The following CACNA1C variants were observed in gnomAD, a reference collection of about 807,000 sequenced individuals.
The protein encoded by CACNA1C is calcium voltage-gated channel subunit alpha1 C.
Under a neutral mutation model 229.0 loss-of-function variants are expected in CACNA1C, and 30 were observed. The observed-to-expected ratio is 0.13, with a 90% CI of 0.10 to 0.18. The LOEUF (loss-of-function observed/expected upper bound fraction) is 0.18, where lower values mean the gene tolerates loss of function less well. CACNA1C is among the 10% of genes least tolerant of loss of function. The pLI, the probability that CACNA1C is intolerant of heterozygous loss-of-function variation, is 1.00. For missense variants in CACNA1C, 1,658 were observed against 2,845.0 expected (o/e 0.58, Z 9.49); for synonymous variants, 1,114 against 1,132.5 (o/e 0.98, Z 0.33).
chr12:1,996,449 C>T (rs1266021935), intron 1 of CACNA1C, among the ~76,000 whole-genome samples: 1 of 151,850 alleles, frequency 6.6e-6, no homozygotes, highest in African/African-American at 2.4e-5. Flanking sequence ...AGACTGCCTT[C>T]CCTCTCCTCT....
At chr12:2,641,641 C>T (rs61907964) in intron 30 of CACNA1C, 1 of 689,022 alleles carries the variant, frequency 1.5e-6, no homozygotes, top group Non-Finnish European at 2.7e-6. Flanking sequence ...TGAAGTGATT[C>T]CAGCACAGTC....
intron 1 of CACNA1C, among the ~76,000 whole-genome samples, chr12:2,105,627 T>C (rs7307160): frequency 0.031 from 2,694 of 87,604 alleles, 71 homozygotes; most frequent in African/African-American, 0.1. Flanking sequence ...AGCCACTGGG[T>C]GCCCACCCCG....
chr12:2,535,704 T>TAAAAAAAAAAAAAAAA lies in CACNA1C; in HGVS notation c.1391-14225_1391-14210dup, dbSNP rs758857733. Among the ~76,000 whole-genome samples, 16 of 36,560 alleles carry TAAAAAAAAAAAAAAAA rather than the reference T, an allele frequency of 4.4e-4. 1 individual carries two copies. Among genetic ancestry groups the TAAAAAAAAAAAAAAAA allele is most frequent in the African/African-American group, 1.3e-3 (15 of 11,348 alleles). 24.0% of individuals were successfully genotyped at this position (36,560 alleles called of 152,430 possible). On this transcript the variant is annotated intron_variant, in intron 9 of 46. Transcript: ENST00000399655. Reference sequence around the variant, plus strand: ...CTGGGTGACAGAGCAAGACCCTGTCTAAAAAAAAAAAAAAAAAAAAAAAAA... The same window carrying TAAAAAAAAAAAAAAAA: ...CTGGGTGACAGAGCAAGACCCTGTCTAAAAAAAAAAAAAAAAAAAAAAAAAAAAAAAAAAAAAAAAA...
intron 29 of CACNA1C, among the ~76,000 whole-genome samples, chr12:2,617,435 G>C (rs1602260892): frequency 6.6e-6 from 1 of 152,322 alleles, no homozygotes; most frequent in Non-Finnish European, 1.5e-5. Context: ...TGGAGTTCGT[G>C]TGCCAAAACC....
At chr12:2,369,980 C>T (rs944966373) in intron 3 of CACNA1C, among the ~76,000 whole-genome samples, 4 of 152,180 alleles carry the variant, frequency 2.6e-5, no homozygotes, top group South Asian at 2.1e-4. Flanking sequence ...GTGGTAGACA[C>T]GGGGTCAATA....
chr12:2,694,908 G>T lies in CACNA1C; in HGVS notation c.*3709G>T, dbSNP rs1263425933. ...ACGAATGTAGGTCAGGGATAGAGTG[G>T]AACCCTGGTCATCGGGGTTTTTAGC... On this transcript the variant is annotated 3_prime_UTR_variant, in exon 47 of 47. Coordinates refer to ENST00000399655, the MANE Select transcript of CACNA1C (RefSeq NM_000719.7). The T allele has an allele frequency of 1.3e-5, 2 of 152,232 alleles. No individual in the cohort carries two copies. Among genetic ancestry groups the T allele is most frequent in the Non-Finnish European group, 2.9e-5 (2 of 68,046 alleles). 9.4% of individuals were successfully genotyped at this position (152,232 alleles called of 1,614,324 possible). A position where few individuals can be genotyped will look rare whatever the true frequency, so the allele number is the denominator to read the frequency against.
At position 2,053,742 on chromosome 12, in the gene CACNA1C, C is replaced by G; in HGVS notation, c.49+131C>G. On this transcript the variant is annotated intron_variant, in intron 1 of 46. Coordinates refer to ENST00000399655, the MANE Select transcript of CACNA1C (RefSeq NM_000719.7). This position sits in a 1 kb window ranked among gnomAD's most constrained non-coding sequence, Gnocchi z 5.8. ...CCGGGGCCGCGTCCGCGAGGGGCGC[C>G]TCCGCCTCGTCGGAGCGCCCGGGAG... is the stretch of plus-strand genomic sequence containing the variant. 1 of 949,660 alleles carries G rather than the reference C, an allele frequency of 1.1e-6. No individual in the cohort carries two copies. Among genetic ancestry groups the G allele is most frequent in the Non-Finnish European group, 1.3e-6 (1 of 741,976 alleles). 58.8% of individuals were successfully genotyped at this position (949,660 alleles called of 1,614,324 possible).
At chr12:2,409,449 G>A (rs1183585354) in intron 3 of CACNA1C, among the ~76,000 whole-genome samples, 1 of 152,218 alleles carries the variant, frequency 6.6e-6, no homozygotes, top group Non-Finnish European at 1.5e-5. Context: ...GTTGAGAATG[G>A]AGGTATCACC....
chr12:2,475,507 G>T (rs1431396524), intron 5 of CACNA1C, among the ~76,000 whole-genome samples: 1 of 152,112 alleles, frequency 6.6e-6, no homozygotes, highest in Non-Finnish European at 1.5e-5. Context: ...AGACAGGACT[G>T]GTAATTTTCC....
Position 2,632,144 on chromosome 12 carries a change from G to GA in CACNA1C, c.3829-2147dup, listed in dbSNP as rs1269011059. Reference sequence around the variant, plus strand: ...AGGGCAGGCAAATACTGGTCCCACTGAAAAAATGTGGCCAGCCCTGTCTTG... The same window carrying GA: ...AGGGCAGGCAAATACTGGTCCCACTGAAAAAAATGTGGCCAGCCCTGTCTTG... On this transcript the variant is annotated intron_variant, in intron 29 of 46. Transcript: ENST00000399655. This position sits in a 1 kb window ranked among gnomAD's most constrained non-coding sequence, Gnocchi z 4.1. Among the ~76,000 whole-genome samples, 4 of 152,108 alleles carry GA rather than the reference G, an allele frequency of 2.6e-5. No homozygotes were observed. Among genetic ancestry groups the GA allele is most frequent in the Non-Finnish European group, 2.9e-5 (2 of 68,018 alleles).
At chr12:2,496,954 A>G (rs765851243) in intron 7 of CACNA1C, among the ~76,000 whole-genome samples, 13 of 152,224 alleles carry the variant, frequency 8.5e-5, no homozygotes, top group Non-Finnish European at 2.9e-5. Context: ...GTGTGATCAG[A>G]TAAAAAGCGC....
At position 2,633,148 on chromosome 12, in the gene CACNA1C, C is replaced by T. The variant is rs531919832; in HGVS notation, c.3829-1149C>T. On this transcript the variant is annotated intron_variant, in intron 29 of 46. Transcript: ENST00000399655. This position sits in a 1 kb window ranked among gnomAD's most constrained non-coding sequence, Gnocchi z 5.8. ...TTTTCAAAGCCTTTTTCATTCCCAG[C>T]TTCACCCATAGGACCGAGCCCGCTA... 6.6e-6 allele frequency among the ~76,000 whole-genome samples: 1 copy of T among 152,328 alleles called. No individual in the cohort carries two copies. Among genetic ancestry groups the T allele is most frequent in the East Asian group, 1.9e-4 (1 of 5,180 alleles).
intron 3 of CACNA1C, among the ~76,000 whole-genome samples, chr12:2,298,935 G>A (rs2094330625): frequency 6.6e-6 from 1 of 152,190 alleles, no homozygotes; most frequent in African/African-American, 2.4e-5. Flanking sequence ...CCCACCTCCG[G>A]GGACTTCATA....
At position 2,058,366 on chromosome 12, in the gene CACNA1C, A is replaced by G. The variant is rs190523091; in HGVS notation, c.49+4755A>G. ...ATTTAGCAGACAATTTTATTTTCCA[A>G]TATGGACTACAGAAAGCTGATAGAC... On this transcript the variant is annotated intron_variant, in intron 1 of 46. Transcript: ENST00000399655. Among the ~76,000 whole-genome samples, 203 of 152,322 alleles carry G rather than the reference A, an allele frequency of 1.3e-3. 1 individual carries two copies. The highest frequency in any genetic ancestry group is 4.4e-3 in the African/African-American group (182 of 41,558).
chr12:1,978,275 C>T (rs1394358383), intron 1 of CACNA1C, among the ~76,000 whole-genome samples: 1 of 152,120 alleles, frequency 6.6e-6, no homozygotes, highest in East Asian at 1.9e-4. Context: ...TGACATCAAG[C>T]TTTTGGTATT....
intron 3 of CACNA1C, among the ~76,000 whole-genome samples, chr12:2,127,511 T>C (rs1259609718): frequency 6.6e-6 from 1 of 152,200 alleles, no homozygotes; most frequent in Non-Finnish European, 1.5e-5. Flanking sequence ...GCTAGGGTTA[T>C]AAAATACACT....
In CACNA1C at chr12:2,319,264, C is replaced by T. The variant is rs1162692780; in HGVS notation, c.478-129712C>T. Among the ~76,000 whole-genome samples, 1 of 151,902 alleles carries T rather than the reference C, an allele frequency of 6.6e-6. No homozygotes were observed. The highest frequency in any genetic ancestry group is 6.6e-5 in the Admixed American group (1 of 15,246). ...TGATGTGTAGTGTACATGGGGGCGG[C>T]GTGCATGGTGGGTGGCCTGTGGGGG... On this transcript the variant is annotated intron_variant, in intron 3 of 46. Transcript: ENST00000399655. This position sits in a 1 kb window ranked among gnomAD's most constrained non-coding sequence, Gnocchi z 4.0.
chr12:2,419,913 G>T (rs1382162588), intron 3 of CACNA1C, among the ~76,000 whole-genome samples: 1 of 152,132 alleles, frequency 6.6e-6, no homozygotes, highest in African/African-American at 2.4e-5. Flanking sequence ...GGCCCAGCCT[G>T]CCCTGTGCTA....
intron 1 of CACNA1C, among the ~76,000 whole-genome samples, chr12:1,979,474 G>A (rs1459701426): frequency 2.0e-5 from 3 of 150,832 alleles, no homozygotes; most frequent in Non-Finnish European, 2.9e-5. Context: ...ACCATGCCTG[G>A]CTAATTTTTG....
Sources: gnomAD v4.1 joint callset for allele counts (sites outside exome capture counted in the v4.1 genomes callset) on GRCh38, gnomAD v4.1.1 for gene constraint, Gnocchi (gnomAD v3.1) non-coding constraint, MANE v1.5 for transcripts, NCBI Gene and HGNC (gene_info 2026-07-23, HGNC 2026-07-21) for gene names.